GKAP1: variants seen among roughly 807,000 people sequenced by gnomAD.
The protein encoded by GKAP1 is G kinase-anchoring protein 1.
Under a neutral mutation model 56.7 loss-of-function variants are expected in GKAP1, and 31 were observed. The ratio of observed to expected loss-of-function variants is 0.55; its 90% CI spans 0.41 to 0.74. GKAP1 has a LOEUF of 0.74. GKAP1 is among the 30% of genes least tolerant of loss of function. The pLI is 0.00. For missense variants in GKAP1, 364 were observed against 402.3 expected, an observed-to-expected ratio of 0.90 and a Z score of 0.82; for synonymous variants, 151 against 138.6, an observed-to-expected ratio of 1.09 and a Z score of -0.63.
chr9:83,816,312 C>A (rs1403101972), intron 2 of GKAP1, among the ~76,000 whole-genome samples: 1 of 152,228 alleles, frequency 6.6e-6, no homozygotes. Flanking sequence ...CCATTTTTTT[C>A]TCATAGTTAA....
intron 8 of GKAP1, among the ~76,000 whole-genome samples, chr9:83,760,338 AC>A (rs1268760717): frequency 5.3e-5 from 8 of 152,146 alleles, no homozygotes; most frequent in Non-Finnish European, 1.2e-4. Flanking sequence ...ATACATATGC[AC>A]CCAACACTGG....
intron 7 of GKAP1, among the ~76,000 whole-genome samples, chr9:83,773,305 T>C (rs1044203889): frequency 6.6e-6 from 1 of 152,112 alleles, no homozygotes; most frequent in Non-Finnish European, 1.5e-5. Context: ...CCATTATAGG[T>C]TACAAGAAAC....
At chr9:83,766,767 G>A (rs1943670424) in intron 8 of GKAP1, among the ~76,000 whole-genome samples, 1 of 152,212 alleles carries the variant, frequency 6.6e-6, no homozygotes, top group Non-Finnish European at 1.5e-5. Flanking sequence ...GGACTGTTAA[G>A]TAGAAATGAG....
At chr9:83,785,010 A>T (rs1006232798) in intron 5 of GKAP1, among the ~76,000 whole-genome samples, 172 bp from the exon 6 acceptor site, 9 of 152,148 alleles carry the variant, frequency 5.9e-5, no homozygotes, top group African/African-American at 2.2e-4. Flanking sequence ...CATTTACTCA[A>T]TCCCTTACAT....
intron 4 of GKAP1, among the ~76,000 whole-genome samples, chr9:83,795,161 A>AG (rs2131306846): frequency 6.6e-6 from 1 of 151,268 alleles, no homozygotes; most frequent in Non-Finnish European, 1.5e-5. Flanking sequence ...CATCTCAAAA[A>AG]AAAAAAAAAA....
chr9:83,768,588 A>G (rs1046283644), intron 8 of GKAP1, among the ~76,000 whole-genome samples: 1 of 152,158 alleles, frequency 6.6e-6, no homozygotes, highest in African/African-American at 2.4e-5. Flanking sequence ...AACAGTACAT[A>G]GCTTATGGCA....
At chr9:83,755,759 A>G (rs1312497270) in intron 8 of GKAP1, among the ~76,000 whole-genome samples, 1 of 151,268 alleles carries the variant, frequency 6.6e-6, no homozygotes, top group South Asian at 2.1e-4. Context: ...AAAAAGTACA[A>G]TCTCACTAGT....
chr9:83,785,020 T>C (rs1244140797), intron 5 of GKAP1, among the ~76,000 whole-genome samples, 182 bp from the exon 6 acceptor site: 1 of 152,106 alleles, frequency 6.6e-6, no homozygotes, highest in East Asian at 1.9e-4. Flanking sequence ...ATCCCTTACA[T>C]CTTAAACATT....
rs558975593 is a variant in GKAP1 at position 83,752,476 on chromosome 9, G to A, written c.840+782C>T. On this transcript the variant is annotated intron_variant, in intron 9 of 12. Transcript: ENST00000376371. ...AAGTGAATACGCCACACATAAAGAG[G>A]ATAAACACTGTATGATTCCACTTAC... Among the ~76,000 whole-genome samples, 164 of 152,242 alleles carry A rather than the reference G, an allele frequency of 1.1e-3. 3 individuals are homozygous for A. The highest frequency in any genetic ancestry group is 0.01 in the South Asian group (50 of 4,824).
intron 5 of GKAP1, among the ~76,000 whole-genome samples, chr9:83,785,807 A>T (rs1022563020): frequency 6.6e-6 from 1 of 152,190 alleles, no homozygotes; most frequent in African/African-American, 2.4e-5. Flanking sequence ...AATCAATCTA[A>T]AAGTTAAAAT....
chr9:83,769,121 C>A, intron 7 of GKAP1, 151 bp from the exon 8 acceptor site: 5 of 563,378 alleles, frequency 8.9e-6, no homozygotes, highest in Admixed American at 3.4e-5. Context: ...AGCTAAGAGA[C>A]AATCAACGAC....
At chr9:83,750,862 A>G (rs1481522982) in intron 9 of GKAP1, among the ~76,000 whole-genome samples, 2 of 151,976 alleles carry the variant, frequency 1.3e-5, no homozygotes, top group Non-Finnish European at 2.9e-5. Flanking sequence ...TTCGAGATGG[A>G]GTCTCACTCT....
rs201591525 is a variant in GKAP1, at chr9:83,775,560, GA to G, written c.585+4821del. 8.0e-3 allele frequency among the ~76,000 whole-genome samples: 1,206 copies of G among 151,466 alleles called. 32 individuals carry two copies. Among genetic ancestry groups the G allele is most frequent in the East Asian group, 0.037 (190 of 5,174 alleles). The stretch of plus-strand genomic sequence containing the variant: ...CAGAGCCTTGGCAGATGTTAAAAAG[GA>G]AAAAAAAATTTTTTTTGAAAGAAAA... On this transcript the variant is annotated intron_variant, in intron 7 of 12. Transcript: ENST00000376371.
At chr9:83,774,747 G>A (rs1470482045) in intron 7 of GKAP1, among the ~76,000 whole-genome samples, 3 of 110,554 alleles carry the variant, frequency 2.7e-5, no homozygotes, top group African/African-American at 1.1e-4. Context: ...GGCTGGCTCT[G>A]TTGCCAGGTT....
chr9:83,755,701 A>T (rs2131246552), intron 8 of GKAP1, among the ~76,000 whole-genome samples: 1 of 150,980 alleles, frequency 6.6e-6, no homozygotes, highest in African/African-American at 2.4e-5. Context: ...AAGGAAAAAC[A>T]AAATAAATTG....
chr9:83,763,239 C>T (rs1229675136), intron 8 of GKAP1, among the ~76,000 whole-genome samples: 1 of 152,028 alleles, frequency 6.6e-6, no homozygotes, highest in East Asian at 1.9e-4. Flanking sequence ...TTCAAAACAA[C>T]TGAACTAATG....
At chr9:83,805,192 C>T (rs569732319) in intron 3 of GKAP1, among the ~76,000 whole-genome samples, 12 of 152,242 alleles carry the variant, frequency 7.9e-5, no homozygotes, top group East Asian at 1.9e-4. Flanking sequence ...CTCTCTGAAA[C>T]GTGCTGTGTC....
intron 6 of GKAP1, among the ~76,000 whole-genome samples, chr9:83,784,288 G>A (rs942281180): frequency 1.3e-5 from 2 of 149,734 alleles, no homozygotes; most frequent in East Asian, 2.1e-4. Context: ...AAAAAAAGAA[G>A]AATTTAATTG....
At chr9:83,746,024 C>A (rs1943287589) in intron 10 of GKAP1, among the ~76,000 whole-genome samples, 1 of 152,120 alleles carries the variant, frequency 6.6e-6, no homozygotes, top group East Asian at 1.9e-4. Context: ...CTCCTAACCT[C>A]AAGTGATCCA....
Sources: gnomAD v4.1 joint callset for allele counts (sites outside exome capture counted in the v4.1 genomes callset) on GRCh38, gnomAD v4.1.1 for gene constraint, MANE v1.5 for transcripts, NCBI Gene and HGNC (gene_info 2026-07-23, HGNC 2026-07-21) for gene names.